Variants in CACNB2 observed in about 807,000 individuals in gnomAD.
CACNB2 encodes the protein voltage-dependent L-type calcium channel subunit beta-2.
A neutral mutation model predicts 73.3 loss-of-function variants in CACNB2; 42 were observed. That is an observed-to-expected ratio of 0.57 (90% CI 0.45 to 0.74). The LOEUF is 0.74. Ranked by LOEUF, CACNB2 falls within the 30% of genes least tolerant of loss-of-function variation. CACNB2 has a pLI of 0.00. For missense variants in CACNB2, 940 were observed against 853.0 expected (o/e 1.10, Z -1.27); for synonymous variants, 348 against 310.3 (o/e 1.12, Z -1.28).
intron 9 of CACNB2, among the ~76,000 whole-genome samples, chr10:18,523,263 A>G (rs999927751): frequency 6.6e-6 from 1 of 152,182 alleles, no homozygotes; most frequent in Non-Finnish European, 1.5e-5. Flanking sequence ...TGTGTTTTCC[A>G]TGCCTGAGTC....
At chr10:18,208,375 T>A (rs948876307) in intron 2 of CACNB2, among the ~76,000 whole-genome samples, 1 of 152,054 alleles carries the variant, frequency 6.6e-6, no homozygotes, top group Non-Finnish European at 1.5e-5. Context: ...ACACTTGGCA[T>A]GCTAAGGTGG....
chr10:18,323,672 T>A (rs2131969996), intron 2 of CACNB2, among the ~76,000 whole-genome samples: 1 of 152,324 alleles, frequency 6.6e-6, no homozygotes, highest in South Asian at 2.1e-4. Context: ...TTTTGAGCAG[T>A]TAAGAGTGAG....
intron 2 of CACNB2, among the ~76,000 whole-genome samples, chr10:18,223,739 T>A (rs2131406900): frequency 6.6e-6 from 1 of 152,266 alleles, no homozygotes; most frequent in East Asian, 1.9e-4. Context: ...AATTTCCTTT[T>A]TAGTTTTTAA....
chr10:18,174,490 G>A (rs985809923), intron 2 of CACNB2, among the ~76,000 whole-genome samples: 1 of 151,170 alleles, frequency 6.6e-6, no homozygotes, highest in Non-Finnish European at 1.5e-5. Flanking sequence ...TGCAACTTCT[G>A]CCTTCAGGGT....
At chr10:18,460,960 G>A (rs763260774) in intron 3 of CACNB2, among the ~76,000 whole-genome samples, 12 of 151,050 alleles carry the variant, frequency 7.9e-5, no homozygotes, top group East Asian at 3.9e-4. Context: ...ACCGAGTTTC[G>A]TTCTTGTTGC....
intron 2 of CACNB2, among the ~76,000 whole-genome samples, chr10:18,186,350 C>T (rs141952485): frequency 7.9e-5 from 12 of 151,320 alleles, no homozygotes; most frequent in African/African-American, 2.7e-4. Flanking sequence ...ACCTGGGAGG[C>T]GGAGGCTGCG....
At chr10:18,399,638 C>T (rs2043890246) in intron 2 of CACNB2, among the ~76,000 whole-genome samples, 1 of 152,064 alleles carries the variant, frequency 6.6e-6, no homozygotes, top group Admixed American at 6.5e-5. Context: ...CCACTTTGGC[C>T]TCCCAGAGTC....
chr10:18,436,951 T>A (rs137968022), intron 3 of CACNB2, among the ~76,000 whole-genome samples: 126 of 152,358 alleles, frequency 8.3e-4, no homozygotes, highest in African/African-American at 2.9e-3. Context: ...ACATTTTCCA[T>A]TACTTTATTT....
At chr10:18,537,236 C>A (rs937497987) in intron 12 of CACNB2, among the ~76,000 whole-genome samples, 2 of 152,090 alleles carry the variant, frequency 1.3e-5, no homozygotes, top group Admixed American at 6.5e-5. Context: ...GATCCATCCA[C>A]CTTGGCCTCC....
At chr10:18,349,266 T>C (rs2041604979) in intron 2 of CACNB2, among the ~76,000 whole-genome samples, 1 of 152,232 alleles carries the variant, frequency 6.6e-6, no homozygotes, top group Non-Finnish European at 1.5e-5. Flanking sequence ...GATGTGATGC[T>C]GTGGCTGGAA....
intron 3 of CACNB2, among the ~76,000 whole-genome samples, chr10:18,487,203 T>C (rs948518926): frequency 2.0e-4 from 31 of 152,240 alleles, no homozygotes; most frequent in African/African-American, 6.7e-4. Flanking sequence ...ACTGTACTTG[T>C]GGTTGACAAA....
rs2043956427 is a variant in CACNB2, at chr10:18,400,836, A to G, written c.214-1088A>G. ...GTGTGTGTTTTCAGCCCCTCCTGGA[A>G]TGGGAAAATAAGAATCTCCCTGGAT... On this transcript the variant is annotated intron_variant, in intron 2 of 13. Coordinates refer to ENST00000324631, the MANE Select transcript of CACNB2 (RefSeq NM_201596.3). The G allele has an allele frequency of 2.2e-5, 32 of 1,459,782 alleles. No individual in the cohort carries two copies. The South Asian group carries it at 3.3e-4, about 15-fold the overall frequency. The allele number at this position is 1,459,782 out of a possible 1,614,324, so 90.4% of individuals were successfully genotyped here. A position where few individuals can be genotyped will look rare whatever the true frequency, so the allele number is the denominator to read the frequency against.
chr10:18,402,169 G>A, intron 3 of CACNB2, 126 bp downstream of exon 3: 10 of 1,120,030 alleles, frequency 8.9e-6, no homozygotes, highest in Admixed American at 7.3e-5. Flanking sequence ...GTTTTAGAAA[G>A]GTACAAAAAA....
At chr10:18,140,961 C>G (rs1314748905) in intron 1 of CACNB2, 105 bp downstream of exon 1, 1 of 1,520,650 alleles carries the variant, frequency 6.6e-7, no homozygotes, top group African/African-American at 1.4e-5. Flanking sequence ...AGCCTCGCAC[C>G]TCCTCCCCTC....
intron 2 of CACNB2, among the ~76,000 whole-genome samples, chr10:18,155,917 ATAT>A (rs869156452): frequency 6.7e-6 from 1 of 149,420 alleles, no homozygotes; most frequent in Non-Finnish European, 1.5e-5. Flanking sequence ...ATATATATAT[ATAT>A]GTCAATATGC....
Position 18,341,518 on chromosome 10 carries a change from G to A in CACNB2, c.214-60406G>A, listed in dbSNP as rs1464208463. Among the ~76,000 whole-genome samples, 5 of 151,954 alleles carry A rather than the reference G, an allele frequency of 3.3e-5. 1 individual carries two copies. In the South Asian group the frequency reaches 6.2e-4, roughly 19 times the overall value. On this transcript the variant is annotated intron_variant, in intron 2 of 13. Coordinates refer to ENST00000324631, the MANE Select transcript of CACNB2 (RefSeq NM_201596.3). ...ACGAGGACTGACTGTTTGGGTCTTC[G>A]GATTTGGTTTAGAACTTTTAAAGAA... is the stretch of plus-strand genomic sequence containing the variant.
intron 2 of CACNB2, chr10:18,260,886 C>G (rs1487436087): frequency 5.5e-6 from 6 of 1,098,846 alleles, no homozygotes; most frequent in African/African-American, 3.2e-5. Context: ...GAAAATCTCC[C>G]GAGTTGAGAA....
intron 2 of CACNB2, among the ~76,000 whole-genome samples, chr10:18,285,267 T>C (rs1263515042): frequency 6.6e-6 from 1 of 152,208 alleles, no homozygotes; most frequent in Non-Finnish European, 1.5e-5. Context: ...AGTTATGCCA[T>C]GTGACTTTCA....
rs80127952 is a variant in CACNB2, at chr10:18,393,758, C to T, written c.214-8166C>T. 2.0e-3 allele frequency among the ~76,000 whole-genome samples: 299 copies of T among 152,180 alleles called. 1 individual carries two copies. The highest frequency in any genetic ancestry group is 7.0e-3 in the African/African-American group (290 of 41,526). On this transcript the variant is annotated intron_variant, in intron 2 of 13. Transcript: ENST00000324631. The stretch of plus-strand genomic sequence containing the variant: ...CGGTGTCTTGGCTTCTATTGTTTTC[C>T]GATTCTAATCTACTTTCCCTTGTAG...
Sources: gnomAD v4.1 joint callset for allele counts (sites outside exome capture counted in the v4.1 genomes callset) on GRCh38, gnomAD v4.1.1 for gene constraint, MANE v1.5 for transcripts, NCBI Gene and HGNC (gene_info 2026-07-23, HGNC 2026-07-21) for gene names.